Variants in GRM8 observed in about 807,000 individuals in gnomAD.
GRM8 encodes the protein glutamate metabotropic receptor 8, also known as metabotropic glutamate receptor 8.
Under a neutral mutation model 87.2 loss-of-function variants are expected in GRM8, and 47 were observed. The observed-to-expected ratio is 0.54, with a 90% CI of 0.43 to 0.69. GRM8 has a LOEUF of 0.69. Among genes scored for constraint, GRM8 ranks in the 30% least tolerant of loss-of-function variants. The pLI is 0.00. For synonymous variants in GRM8, 396 were observed against 404.5 expected (o/e 0.98, Z 0.25); for missense variants, 1,019 against 1,139.2 (o/e 0.89, Z 1.52).
chr7:126,469,581 C>A (rs1181523483), intron 9 of GRM8, among the ~76,000 whole-genome samples: 1 of 151,998 alleles, frequency 6.6e-6, no homozygotes, highest in Non-Finnish European at 1.5e-5. Context: ...TCTCATGAGA[C>A]CTGATGGTTT....
chr7:127,143,070 C>T (rs1460586527), intron 2 of GRM8, among the ~76,000 whole-genome samples: 1 of 152,118 alleles, frequency 6.6e-6, no homozygotes, highest in Admixed American at 6.5e-5. Context: ...CAAGTCATTC[C>T]CCTTCTCCCT....
At chr7:126,604,764 G>A (rs566779116) in intron 8 of GRM8, among the ~76,000 whole-genome samples, 2 of 152,150 alleles carry the variant, frequency 1.3e-5, no homozygotes, top group Non-Finnish European at 2.9e-5. Context: ...ATCCCACTTA[G>A]ATGAGAAAAC....
intron 7 of GRM8, among the ~76,000 whole-genome samples, chr7:126,613,494 C>T (rs940906878): frequency 1.2e-4 from 18 of 152,140 alleles, no homozygotes; most frequent in Non-Finnish European, 2.4e-4. Context: ...ACTGAGGTAC[C>T]AGGTTCATCT....
chr7:126,898,120 C>T (rs573149072), intron 6 of GRM8, among the ~76,000 whole-genome samples: 3 of 152,092 alleles, frequency 2.0e-5, no homozygotes, highest in Admixed American at 6.6e-5. Context: ...TCTGAATGAA[C>T]AAAAAGGGCC....
At chr7:126,957,537 G>A (rs1808845245) in intron 3 of GRM8, among the ~76,000 whole-genome samples, 1 of 152,192 alleles carries the variant, frequency 6.6e-6, no homozygotes, top group East Asian at 1.9e-4. Context: ...CTGATCCCTG[G>A]CCTCTCTCTG....
At chr7:127,039,359 G>T (rs538704204) in intron 3 of GRM8, among the ~76,000 whole-genome samples, 2 of 152,176 alleles carry the variant, frequency 1.3e-5, no homozygotes, top group East Asian at 3.9e-4. Flanking sequence ...AGGGAGAAAA[G>T]AACCATCTAA....
At chr7:126,949,935 C>G (rs763646100) in intron 3 of GRM8, among the ~76,000 whole-genome samples, 95 of 152,124 alleles carry the variant, frequency 6.2e-4, no homozygotes, top group Non-Finnish European at 1.1e-3. Flanking sequence ...TTAGAGGAAG[C>G]CTGTAGGCTT....
intron 8 of GRM8, among the ~76,000 whole-genome samples, chr7:126,608,624 C>T (rs1798598314): frequency 6.6e-6 from 1 of 152,138 alleles, no homozygotes; most frequent in Non-Finnish European, 1.5e-5. Flanking sequence ...GTAATCTGAA[C>T]ATCACCCTTA....
intron 6 of GRM8, among the ~76,000 whole-genome samples, chr7:126,795,212 C>G (rs1821821798): frequency 6.6e-6 from 1 of 152,028 alleles, no homozygotes; most frequent in Non-Finnish European, 1.5e-5. Context: ...GATACTAAAC[C>G]TAGGCTCTAA....
At chr7:126,882,768 C>T (rs1420235272) in intron 6 of GRM8, among the ~76,000 whole-genome samples, 3 of 150,022 alleles carry the variant, frequency 2.0e-5, no homozygotes, top group Middle Eastern at 3.4e-3. Flanking sequence ...TTTGTTGTGG[C>T]CACATTTGGA....
At chr7:126,940,119 G>A (rs889668972) in intron 3 of GRM8, among the ~76,000 whole-genome samples, 1 of 152,110 alleles carries the variant, frequency 6.6e-6, no homozygotes, top group Middle Eastern at 3.2e-3. Context: ...TGAAACTGAA[G>A]GGAAAATGAG....
chr7:126,696,579 G>A (rs1043672610), intron 7 of GRM8, among the ~76,000 whole-genome samples: 1 of 152,020 alleles, frequency 6.6e-6, no homozygotes, highest in African/African-American at 2.4e-5. Flanking sequence ...CTGAGAGAGA[G>A]GCAGAAGGTT....
intron 8 of GRM8, among the ~76,000 whole-genome samples, chr7:126,557,737 G>A (rs1004221279): frequency 1.3e-5 from 2 of 152,044 alleles, no homozygotes; most frequent in Non-Finnish European, 2.9e-5. Flanking sequence ...TGGGCAAACT[G>A]TAAAAATAGA....
chr7:126,647,350 T>C (rs2151228526), intron 7 of GRM8, among the ~76,000 whole-genome samples: 1 of 150,610 alleles, frequency 6.6e-6, no homozygotes, highest in East Asian at 1.9e-4. Context: ...TAGATATAGA[T>C]ATAGATAGAT....
intron 6 of GRM8, among the ~76,000 whole-genome samples, chr7:126,817,798 A>G (rs1793927848): frequency 6.6e-6 from 1 of 152,180 alleles, no homozygotes. Flanking sequence ...AATTAATTTC[A>G]CTGAGGTAAG....
At chr7:126,494,542 G>T (rs1262775280) in intron 9 of GRM8, among the ~76,000 whole-genome samples, 1 of 151,924 alleles carries the variant, frequency 6.6e-6, no homozygotes, top group Non-Finnish European at 1.5e-5. Flanking sequence ...CAGAGAAGAA[G>T]CATAGTAACT....
chr7:127,248,388 C>A (rs1350095279), intron 1 of GRM8, among the ~76,000 whole-genome samples: 1 of 152,196 alleles, frequency 6.6e-6, no homozygotes, highest in Non-Finnish European at 1.5e-5. Context: ...TGCAGGACTG[C>A]CATTATGTTC....
At chr7:126,899,088 T>C (rs1266114666) in intron 6 of GRM8, among the ~76,000 whole-genome samples, 12 of 114,014 alleles carry the variant, frequency 1.1e-4, no homozygotes, top group African/African-American at 2.7e-4. Flanking sequence ...ATTAAAAAGT[T>C]ATGTGACTGG....
At chr7:126,873,472 G>T (rs1799279821) in intron 6 of GRM8, among the ~76,000 whole-genome samples, 1 of 151,950 alleles carries the variant, frequency 6.6e-6, no homozygotes, top group Admixed American at 6.6e-5. Flanking sequence ...AAGATAGTAG[G>T]TACTAATATT....
Sources: gnomAD v4.1 joint callset for allele counts (sites outside exome capture counted in the v4.1 genomes callset) on GRCh38, gnomAD v4.1.1 for gene constraint, MANE v1.5 for transcripts, NCBI Gene and HGNC (gene_info 2026-07-23, HGNC 2026-07-21) for gene names.